MAP3K5: variants seen among roughly 807,000 people sequenced by gnomAD.
MAP3K5 encodes the protein ASK-1.
MAP3K5 carries 56 observed loss-of-function variants against 158.7 expected under a neutral mutation model. That is an observed-to-expected ratio of 0.35 (90% confidence interval 0.28 to 0.44). The LOEUF is 0.44. Ranked by LOEUF, MAP3K5 falls within the 20% of genes least tolerant of loss-of-function variation. The pLI is 1.00. For synonymous variants in MAP3K5, 579 were observed against 601.7 expected (o/e 0.96, Z 0.55); for missense variants, 1,294 against 1,674.8 (o/e 0.77, Z 3.97).
At chr6:136,561,061 A>C (rs1461512220) in intron 28 of MAP3K5, among the ~76,000 whole-genome samples, 1 of 151,580 alleles carries the variant, frequency 6.6e-6, no homozygotes. Flanking sequence ...TTTTTTTCCC[A>C]CTCTTTCTGG....
intron 9 of MAP3K5, 89 bp from the exon 10 acceptor site, chr6:136,656,549 T>G: frequency 1.3e-6 from 1 of 781,302 alleles, no homozygotes; most frequent in Non-Finnish European, 2.1e-6. Flanking sequence ...AAATGTAATT[T>G]ATACATGACA....
At chr6:136,691,508 G>A (rs918346840) in intron 7 of MAP3K5, among the ~76,000 whole-genome samples, 1 of 151,994 alleles carries the variant, frequency 6.6e-6, no homozygotes, top group Non-Finnish European at 1.5e-5. Flanking sequence ...CTACTTGGGA[G>A]GTTGAGGCAC....
intron 25 of MAP3K5, among the ~76,000 whole-genome samples, chr6:136,577,665 A>G (rs1251853744): frequency 6.6e-6 from 1 of 152,194 alleles, no homozygotes; most frequent in Non-Finnish European, 1.5e-5. Context: ...AGTTTCACCT[A>G]CAGTTACTTT....
At chr6:136,781,774 A>G (rs763640137) in intron 1 of MAP3K5, among the ~76,000 whole-genome samples, 1 of 152,242 alleles carries the variant, frequency 6.6e-6, no homozygotes, top group African/African-American at 2.4e-5. Flanking sequence ...CCTCAGAGTG[A>G]TCAAATTATA....
At chr6:136,592,799 G>A (rs376588183) in intron 21 of MAP3K5, 185 bp from the exon 22 acceptor site, 1 of 674,798 alleles carries the variant, frequency 1.5e-6, no homozygotes, top group South Asian at 1.5e-5. Context: ...AACCCATACA[G>A]CAGGGTAGCC....
chr6:136,681,657 C>A (rs1032822996), intron 7 of MAP3K5, among the ~76,000 whole-genome samples: 4 of 152,112 alleles, frequency 2.6e-5, no homozygotes, highest in African/African-American at 9.7e-5. Context: ...AACGAAACGC[C>A]TGTAATCCCA....
rs1437128126 is a variant in MAP3K5, at chr6:136,601,819, G to A, written c.2840C>T (p.Thr947Ile). The stretch of plus-strand genomic sequence containing the variant: ...CCACATACCTGAAAGCTTAGGTTGT[G>A]TCTTTTTCTTTTTGCTTGAAACTTT... Reference protein sequence around the residue: ...FLKVSSKKKKTQPKLSALSAG... With the variant: ...FLKVSSKKKKIQPKLSALSAG... The change falls in exon 20 of 30, where the codon ACA becomes ATA. Residue 947 changes from threonine to isoleucine, a missense_variant. By Grantham distance (89) the Thr-to-Ile change is moderately conservative. Around this residue, in one of 5 missense-constraint regions of MAP3K5, gnomAD observed 362 missense variants for 463.2 expected, o/e 0.78. Transcript: ENST00000359015. The A allele has an allele frequency of 3.7e-6, 6 of 1,613,986 alleles. No homozygotes were observed. The East Asian group carries it at 8.9e-5, about 24-fold the overall frequency.
At chr6:136,643,907 T>C (rs919257028) in intron 11 of MAP3K5, among the ~76,000 whole-genome samples, 1 of 152,106 alleles carries the variant, frequency 6.6e-6, no homozygotes, top group Non-Finnish European at 1.5e-5. Flanking sequence ...TCTAAATATA[T>C]ATATATATAT....
At chr6:136,686,222 T>A (rs1312419072) in intron 7 of MAP3K5, among the ~76,000 whole-genome samples, 3 of 152,164 alleles carry the variant, frequency 2.0e-5, no homozygotes. Flanking sequence ...CTGAAGACTG[T>A]CCCATTAGAA....
At chr6:136,673,360 C>T (rs1038910864) in intron 7 of MAP3K5, among the ~76,000 whole-genome samples, 4 of 152,046 alleles carry the variant, frequency 2.6e-5, no homozygotes, top group Middle Eastern at 3.2e-3. Context: ...GTCTGGGATA[C>T]GAGACATGCA....
chr6:136,601,092 TG>T (rs759046912), intron 20 of MAP3K5, 50 bp from the exon 21 acceptor site: 1 of 1,601,022 alleles, frequency 6.2e-7, no homozygotes, highest in South Asian at 1.1e-5. Context: ...CTGGGTTTGT[TG>T]TTAAACTGAG....
intron 14 of MAP3K5, among the ~76,000 whole-genome samples, chr6:136,629,757 T>A (rs1052991343): frequency 7.1e-6 from 1 of 140,758 alleles, no homozygotes; most frequent in African/African-American, 2.7e-5. Flanking sequence ...CCCGGCCATA[T>A]CTCACCTTCA....
At chr6:136,668,696 A>AGCAGATGAGATAATGTCT (rs1779336178) in intron 8 of MAP3K5, among the ~76,000 whole-genome samples, 1 of 152,192 alleles carries the variant, frequency 6.6e-6, no homozygotes, top group African/African-American at 2.4e-5. Context: ...AGGGAAAGGC[A>AGCAGATGAGATAATGTCT]GCAGATGAGA....
rs114969137 is a variant in MAP3K5, at chr6:136,736,124, C to G, written c.449-15535G>C. 9.0e-3 allele frequency among the ~76,000 whole-genome samples: 1,373 copies of G among 152,062 alleles called. 14 individuals carry two copies. Among genetic ancestry groups the G allele is most frequent in the African/African-American group, 0.03 (1,263 of 41,456 alleles). On this transcript the variant is annotated intron_variant, in intron 1 of 29. Transcript: ENST00000359015. ...AAGCAAGCTAGTTTGGAGGGTTTTC[C>G]TCTTGTAATTATGGCTGTCATTTCT...
chr6:136,569,269 G>C (rs1478812653), intron 25 of MAP3K5, among the ~76,000 whole-genome samples: 4 of 152,186 alleles, frequency 2.6e-5, no homozygotes, highest in African/African-American at 7.2e-5. Flanking sequence ...GGGGAAATCT[G>C]CATTCTGTAG....
At chr6:136,753,852 G>A (rs921160521) in intron 1 of MAP3K5, among the ~76,000 whole-genome samples, 1 of 152,234 alleles carries the variant, frequency 6.6e-6, no homozygotes, top group Non-Finnish European at 1.5e-5. Flanking sequence ...GAACAGCAGC[G>A]TCAGGCAGGG....
intron 7 of MAP3K5, among the ~76,000 whole-genome samples, chr6:136,673,000 A>AAAAAAAG (rs1554296431): frequency 1.3e-5 from 2 of 151,360 alleles, no homozygotes; most frequent in African/African-American, 4.8e-5. Context: ...AAAAAAAAAA[A>AAAAAAAG]AAAAAGAAAA....
At chr6:136,707,066 G>C (rs1025758767) in intron 2 of MAP3K5, among the ~76,000 whole-genome samples, 1 of 152,162 alleles carries the variant, frequency 6.6e-6, no homozygotes, top group South Asian at 2.1e-4. Context: ...GGGGCAGGAG[G>C]ATCACTTGAG....
chr6:136,623,999 G>C (rs1001518293), intron 14 of MAP3K5, among the ~76,000 whole-genome samples: 1 of 152,008 alleles, frequency 6.6e-6, no homozygotes, highest in African/African-American at 2.4e-5. Context: ...TTTGAGACCA[G>C]CCTAGCCAAC....
Sources: gnomAD v4.1 joint callset for allele counts (sites outside exome capture counted in the v4.1 genomes callset) on GRCh38, gnomAD v4.1.1 for gene constraint, gnomAD v4.1.1 regional missense constraint, MANE v1.5 for transcripts, NCBI Gene and HGNC (gene_info 2026-07-23, HGNC 2026-07-21) for gene names.